STARD6: variants seen among roughly 807,000 people sequenced by gnomAD.
STARD6 encodes the protein stAR-related lipid transfer protein 6.
STARD6 carries 21 observed loss-of-function variants against 22.3 expected under a neutral mutation model. The ratio of observed to expected loss-of-function variants is 0.94; its 90% CI spans 0.67 to 1.35. STARD6 has a LOEUF of 1.35. Among genes scored for constraint, STARD6 ranks in the 40% most tolerant of loss-of-function variants. The pLI, the probability that STARD6 is intolerant of heterozygous loss-of-function variation, is 0.00. For missense variants in STARD6, 269 were observed against 266.9 expected (o/e 1.01, Z -0.05); for synonymous variants, 80 against 88.1 (o/e 0.91, Z 0.52).
Position 54,329,430 on chromosome 18 carries a change from C to A in STARD6, c.396G>T (p.Val132=). The A allele has an allele frequency of 6.3e-7, 1 of 1,599,894 alleles. No individual in the cohort carries two copies. The highest frequency in any genetic ancestry group is 8.5e-7 in the Non-Finnish European group (1 of 1,174,862). Residue 132 remains valine (V), a synonymous_variant, in exon 7 of 8, where the codon GTG becomes GTT. Coordinates refer to ENST00000307844, the MANE Select transcript of STARD6 (RefSeq NM_139171.2). The part of the protein sequence containing the change: ...GNMNIISSKS[V]DFPEYPPSSN... ...AAGATGGAGGATATTCTGGAAAATC[C>A]ACACTTTTAGCTAAGAGATTTTAAA...
At chr18:54,353,931 TTAA>T (rs1347728531) in intron 4 of STARD6, 120 bp downstream of exon 4, 6 of 537,710 alleles carry the variant, frequency 1.1e-5, no homozygotes, top group Admixed American at 4.0e-5. Context: ...GCCTAGTGAC[TTAA>T]TAATTTCTAT....
chr18:54,331,209 T>C (rs2088862121), intron 6 of STARD6, among the ~76,000 whole-genome samples: 1 of 152,156 alleles, frequency 6.6e-6, no homozygotes, highest in Non-Finnish European at 1.5e-5. Context: ...TGAAATGGTA[T>C]GTTCTCATCA....
In STARD6 at chr18:54,337,334, T is replaced by C. The variant is rs140683386; in HGVS notation, c.141-83A>G. On this transcript the variant is annotated intron_variant, in intron 4 of 7. Coordinates refer to ENST00000307844, the MANE Select transcript of STARD6 (RefSeq NM_139171.2). ...ATATAATACTATCAAAGCATAAAGG[T>C]AGGCTAATTTAGCAAACAGCAATGA... 1.9e-4 allele frequency: 250 copies of C among 1,287,398 alleles called. 1 individual carries two copies. In the African/African-American group the frequency reaches 3.3e-3, roughly 17 times the overall value. 79.7% of individuals were successfully genotyped at this position (1,287,398 alleles called of 1,614,324 possible). A position where few individuals can be genotyped will look rare whatever the true frequency, so the allele number is the denominator to read the frequency against.
In STARD6 at chr18:54,354,538, T is replaced by C. The variant is rs761256351; in HGVS notation, c.36A>G (p.Gln12=). 2 of 1,613,264 alleles carry C rather than the reference T, an allele frequency of 1.2e-6. No homozygotes were observed. Among genetic ancestry groups the C allele is most frequent in the Non-Finnish European group, 1.7e-6 (2 of 1,179,596 alleles). The stretch of plus-strand genomic sequence containing the variant: ...TATCTCGATTATAACCTAAAACTTC[T>C]TGGGCAGTTTGTTGGGCAATTGCCT... The part of the protein sequence containing the change: ...DFKAIAQQTA[Q]EVLGYNRDTS... Residue 12 remains glutamine, a synonymous_variant, in exon 3 of 8, where the codon CAA becomes CAG. Coordinates refer to ENST00000307844, the MANE Select transcript of STARD6 (RefSeq NM_139171.2).
intron 4 of STARD6, among the ~76,000 whole-genome samples, chr18:54,337,503 G>A (rs1366567585): frequency 6.6e-6 from 1 of 152,072 alleles, no homozygotes; most frequent in African/African-American, 2.4e-5. Context: ...TAAGTTTTTG[G>A]GGAGTCAAAA....
At chr18:54,326,811 C>T (rs922995085) in intron 7 of STARD6, among the ~76,000 whole-genome samples, 13 of 151,762 alleles carry the variant, frequency 8.6e-5, no homozygotes, top group Admixed American at 8.5e-4. Context: ...GAATTATACT[C>T]TCTCCATTTC....
rs1483114609 is a variant in STARD6 at position 54,324,558 on chromosome 18, T to A, written c.*134A>T. The A allele has an allele frequency of 1.3e-6, 1 of 751,870 alleles. No individual in the cohort carries two copies. The highest frequency in any genetic ancestry group is 2.0e-6 in the Non-Finnish European group (1 of 501,970). 46.6% of individuals were successfully genotyped at this position (751,870 alleles called of 1,614,324 possible). ...TATGAGTTCTTATTTTTATGAACTA[T>A]CTTCAGCCATGTGTACAAGAATACT... On this transcript the variant is annotated 3_prime_UTR_variant, in exon 8 of 8. Transcript: ENST00000307844.
chr18:54,349,909 T>C (rs1353058177), intron 4 of STARD6, among the ~76,000 whole-genome samples: 2 of 152,084 alleles, frequency 1.3e-5, no homozygotes, highest in Admixed American at 6.6e-5. Flanking sequence ...ATTGGTTCCA[T>C]ATAATTGCAA....
chr18:54,353,501 C>T (rs1383895539), intron 4 of STARD6, among the ~76,000 whole-genome samples: 1 of 152,030 alleles, frequency 6.6e-6, no homozygotes, highest in Non-Finnish European at 1.5e-5. Context: ...TCTACAAAAA[C>T]ATATAAAAAT....
intron 4 of STARD6, among the ~76,000 whole-genome samples, chr18:54,351,696 G>A (rs1372170205): frequency 6.6e-6 from 1 of 152,074 alleles, no homozygotes; most frequent in Non-Finnish European, 1.5e-5. Context: ...TGCATCTATT[G>A]AGATGATCAA....
chr18:54,331,355 A>T (rs2088863292), intron 6 of STARD6, among the ~76,000 whole-genome samples: 1 of 152,202 alleles, frequency 6.6e-6, no homozygotes, highest in Non-Finnish European at 1.5e-5. Flanking sequence ...CATCTAGTGG[A>T]AATTTCTTTA....
chr18:54,329,299 T>A lies in STARD6; in HGVS notation c.479+48A>T, dbSNP rs372862331. 13 of 1,442,768 alleles carry A rather than the reference T, an allele frequency of 9.0e-6. No homozygotes were observed. The African/African-American group carries it at 1.9e-4, about 21-fold the overall frequency. 89.4% of individuals were successfully genotyped at this position (1,442,768 alleles called of 1,614,324 possible). A position where few individuals can be genotyped will look rare whatever the true frequency, so the allele number is the denominator to read the frequency against. ...CAGCAATCTTAAACTAAATCACAAG[T>A]TGAACTAAAAAAACCTGTTAAAATA... On this transcript the variant is annotated intron_variant, in intron 7 of 7. Coordinates refer to ENST00000307844, the MANE Select transcript of STARD6 (RefSeq NM_139171.2).
intron 7 of STARD6, 122 bp downstream of exon 7, chr18:54,329,225 G>GT (rs779505953): frequency 4.3e-5 from 31 of 721,016 alleles, no homozygotes; most frequent in Non-Finnish European, 4.5e-5. Flanking sequence ...TTTAGGGGAA[G>GT]TTTTTTTCCC....
intron 2 of STARD6, among the ~76,000 whole-genome samples, chr18:54,354,910 T>C (rs929635318): frequency 6.6e-6 from 1 of 152,188 alleles, no homozygotes; most frequent in Non-Finnish European, 1.5e-5. Flanking sequence ...AGAATTAGCG[T>C]GAGGATTAGA....
intron 4 of STARD6, among the ~76,000 whole-genome samples, chr18:54,351,017 A>G (rs953632054): frequency 1.3e-5 from 2 of 152,136 alleles, no homozygotes; most frequent in Non-Finnish European, 2.9e-5. Flanking sequence ...AGTTCTGTGA[A>G]GAAGGATGAT....
chr18:54,335,007 A>G (rs1246555394), intron 5 of STARD6, among the ~76,000 whole-genome samples: 1 of 152,100 alleles, frequency 6.6e-6, no homozygotes, highest in Non-Finnish European at 1.5e-5. Flanking sequence ...TTAATTAGTC[A>G]AAAGAACATA....
At chr18:54,333,061 T>C (rs1160464437) in intron 5 of STARD6, among the ~76,000 whole-genome samples, 1 of 152,218 alleles carries the variant, frequency 6.6e-6, no homozygotes, top group African/African-American at 2.4e-5. Context: ...GCATCATCCT[T>C]GAATAAGTCA....
rs767128083 is a variant in STARD6 at position 54,327,989 on chromosome 18, G to C, written c.479+1358C>G. On this transcript the variant is annotated intron_variant, in intron 7 of 7. Transcript: ENST00000307844. ...ATGTGATGAAATCTTACACCGTCCT[G>C]CTCTGTCCCACCCAGGATGTGAAAT... Among the ~76,000 whole-genome samples, 100 of 152,232 alleles carry C rather than the reference G, an allele frequency of 6.6e-4. 3 individuals carry two copies. In the Middle Eastern group the frequency reaches 0.01, roughly 16 times the overall value.
intron 7 of STARD6, among the ~76,000 whole-genome samples, chr18:54,325,224 G>A (rs576632682): frequency 6.9e-4 from 104 of 151,538 alleles, no homozygotes; most frequent in African/African-American, 1.7e-3. Flanking sequence ...TTATATTTTC[G>A]CGTGACTATC....
Sources: allele counts gnomAD v4.1 joint callset (sites outside exome capture counted in the v4.1 genomes callset), GRCh38; gene constraint gnomAD v4.1.1; transcripts MANE v1.5; gene names NCBI Gene and HGNC (gene_info 2026-07-23, HGNC 2026-07-21).